FRMD5: variants seen among roughly 807,000 people sequenced by gnomAD.
The protein encoded by FRMD5 is FERM domain containing 5.
Under a neutral mutation model 69.0 loss-of-function variants are expected in FRMD5, and 20 were observed. The ratio of observed to expected loss-of-function variants is 0.29; its 90% CI spans 0.20 to 0.42. The LOEUF (loss-of-function observed/expected upper bound fraction) is 0.42. Ranked by LOEUF, FRMD5 falls within the 10% of genes least tolerant of loss-of-function variation. FRMD5 has a pLI of 1.00. For synonymous variants in FRMD5, 271 were observed against 260.1 expected (o/e 1.04, Z -0.40); for missense variants, 595 against 708.6 (o/e 0.84, Z 1.82).
At chr15:43,996,694 T>C (rs1390655778) in intron 1 of FRMD5, among the ~76,000 whole-genome samples, 1 of 150,886 alleles carries the variant, frequency 6.6e-6, no homozygotes, top group Non-Finnish European at 1.5e-5. Context: ...GCCTTTTTTT[T>C]TTTTTTAAGC....
At chr15:44,022,578 C>T (rs1035469361) in intron 1 of FRMD5, among the ~76,000 whole-genome samples, 1 of 93,454 alleles carries the variant, frequency 1.1e-5, no homozygotes, top group South Asian at 4.4e-4. Context: ...TGTCCCCACT[C>T]CACCAGAAAA....
intron 1 of FRMD5, among the ~76,000 whole-genome samples, chr15:44,041,925 A>G (rs973945005): frequency 6.6e-6 from 1 of 152,194 alleles, no homozygotes. Context: ...AGAAATAACT[A>G]AGATCAGAGC....
chr15:43,987,484 C>T (rs189629265), intron 1 of FRMD5, among the ~76,000 whole-genome samples: 9 of 152,304 alleles, frequency 5.9e-5, no homozygotes, highest in East Asian at 3.9e-4. Context: ...AATTTTTCCA[C>T]GGACCAGGTT....
At chr15:44,114,197 G>A (rs1012325879) in intron 1 of FRMD5, among the ~76,000 whole-genome samples, 3 of 152,180 alleles carry the variant, frequency 2.0e-5, no homozygotes, top group African/African-American at 4.8e-5. Context: ...TTAGAAAGAA[G>A]GAGGGGGTTA....
At chr15:44,191,523 T>C (rs1240615619) in intron 1 of FRMD5, among the ~76,000 whole-genome samples, 1 of 151,778 alleles carries the variant, frequency 6.6e-6, no homozygotes, top group Non-Finnish European at 1.5e-5. Context: ...GAGGCAGAGG[T>C]TGCAGTGAGC....
chr15:43,946,272 T>G (rs867011335), intron 1 of FRMD5, among the ~76,000 whole-genome samples: 2 of 152,240 alleles, frequency 1.3e-5, no homozygotes, highest in African/African-American at 4.8e-5. Flanking sequence ...AACTACAGGA[T>G]TCTTCTTCCT....
intron 1 of FRMD5, among the ~76,000 whole-genome samples, chr15:43,959,125 C>T (rs576162733): frequency 1.3e-5 from 2 of 152,344 alleles, no homozygotes; most frequent in Non-Finnish European, 2.9e-5. Flanking sequence ...TTTAAGAAGT[C>T]TCTCTCCTTG....
chr15:44,079,161 A>C (rs953727465), intron 1 of FRMD5, among the ~76,000 whole-genome samples: 1 of 152,144 alleles, frequency 6.6e-6, no homozygotes, highest in Non-Finnish European at 1.5e-5. Flanking sequence ...GCACACGAAA[A>C]GATATTCAAA....
chr15:44,186,613 T>C (rs1477427162), intron 1 of FRMD5, among the ~76,000 whole-genome samples: 1 of 152,250 alleles, frequency 6.6e-6, no homozygotes, highest in African/African-American at 2.4e-5. Context: ...GTCTTGGGCC[T>C]GTGGGCCTTT....
At chr15:43,978,463 G>A (rs568206653) in intron 1 of FRMD5, among the ~76,000 whole-genome samples, 1 of 152,218 alleles carries the variant, frequency 6.6e-6, no homozygotes, top group African/African-American at 2.4e-5. Flanking sequence ...ACCTGGGCAG[G>A]GCTTCTAGAG....
chr15:44,038,301 C>T (rs1330858878), intron 1 of FRMD5, among the ~76,000 whole-genome samples: 1 of 152,036 alleles, frequency 6.6e-6, no homozygotes, highest in African/African-American at 2.4e-5. Flanking sequence ...TTAATTAGAT[C>T]CCATTTGTCA....
intron 11 of FRMD5, 138 bp downstream of exon 11, chr15:43,885,543 G>C: frequency 1.4e-6 from 1 of 711,438 alleles, no homozygotes; most frequent in Non-Finnish European, 2.5e-6. Flanking sequence ...AGGGTCATAA[G>C]ATGGGAGAAT....
At chr15:44,004,356 TTTTG>T (rs1890343564) in intron 1 of FRMD5, among the ~76,000 whole-genome samples, 1 of 147,950 alleles carries the variant, frequency 6.8e-6, no homozygotes, top group South Asian at 2.3e-4. Context: ...GATACTATGT[TTTTG>T]TTTTTGTTTT....
chr15:44,043,892 A>C (rs903843745), intron 1 of FRMD5, among the ~76,000 whole-genome samples: 2 of 152,200 alleles, frequency 1.3e-5, no homozygotes, highest in African/African-American at 4.8e-5. Flanking sequence ...AAAACACCAA[A>C]AACAATGGCA....
At chr15:44,173,259 C>T (rs1468810656) in intron 1 of FRMD5, among the ~76,000 whole-genome samples, 3 of 152,060 alleles carry the variant, frequency 2.0e-5, no homozygotes, top group Non-Finnish European at 4.4e-5. Flanking sequence ...CTACATGCAG[C>T]TTATAGGTTT....
chr15:44,021,638 T>TA (rs994927406), intron 1 of FRMD5, among the ~76,000 whole-genome samples: 3 of 152,174 alleles, frequency 2.0e-5, no homozygotes, highest in East Asian at 1.9e-4. Flanking sequence ...TGGCTATTAC[T>TA]AAAAAAAGAG....
intron 1 of FRMD5, among the ~76,000 whole-genome samples, chr15:44,105,429 T>C (rs554424558): frequency 2.3e-4 from 35 of 152,258 alleles, no homozygotes; most frequent in Admixed American, 1.2e-3. Flanking sequence ...ACCTGTGCTA[T>C]TCAAGGTGCC....
chr15:44,131,160 AAAG>A (rs1013477736), intron 1 of FRMD5, among the ~76,000 whole-genome samples: 2 of 152,186 alleles, frequency 1.3e-5, no homozygotes, highest in South Asian at 2.1e-4. Context: ...ACATTTCTCC[AAAG>A]AAGATCTACA....
chr15:44,117,991 CTTTTTTTTTTTT>C (rs747747488), intron 1 of FRMD5, among the ~76,000 whole-genome samples: 3 of 92,656 alleles, frequency 3.2e-5, no homozygotes, highest in African/African-American at 1.4e-4. Context: ...TTCTTTTTTA[CTTTTTTTTTTTT>C]TTTTTTTTTT....
Sources: allele counts gnomAD v4.1 joint callset (sites outside exome capture counted in the v4.1 genomes callset), GRCh38; gene constraint gnomAD v4.1.1; transcripts MANE v1.5; gene names NCBI Gene and HGNC (gene_info 2026-07-23, HGNC 2026-07-21).